ARHGAP39: variants seen among roughly 807,000 people sequenced by gnomAD.
ARHGAP39 encodes the protein Rho GTPase activating protein 39, also known as rho GTPase-activating protein 39.
ARHGAP39 carries 44 observed loss-of-function variants against 106.9 expected under a neutral mutation model. The ratio of observed to expected loss-of-function variants is 0.41; its 90% CI spans 0.32 to 0.53. The LOEUF is 0.53. ARHGAP39 is among the 20% of genes least tolerant of loss of function. The pLI is 0.21. For missense variants in ARHGAP39, 1,496 were observed against 1,577.3 expected (o/e 0.95, Z 0.87); for synonymous variants, 768 against 693.2 (o/e 1.11, Z -1.69).
At chr8:144,588,851 C>A (rs1819281620) in intron 2 of ARHGAP39, among the ~76,000 whole-genome samples, 1 of 152,264 alleles carries the variant, frequency 6.6e-6, no homozygotes, top group Admixed American at 6.5e-5. Context: ...GGTCCTCCTC[C>A]CAGTGAATCG....
At chr8:144,594,954 A>G (rs1338339802) in intron 2 of ARHGAP39, among the ~76,000 whole-genome samples, 1 of 152,020 alleles carries the variant, frequency 6.6e-6, no homozygotes, top group Non-Finnish European at 1.5e-5. Flanking sequence ...AAGTGGGAGG[A>G]TCGCTTCAGC....
intron 8 of ARHGAP39, 54 bp from the exon 9 acceptor site, chr8:144,533,379 C>A: frequency 1.3e-6 from 2 of 1,560,786 alleles, no homozygotes; most frequent in East Asian, 2.3e-5. Flanking sequence ...CAGGACCCCC[C>A]GCCACCCCGG....
At chr8:144,538,619 C>T (rs901550659) in intron 6 of ARHGAP39, among the ~76,000 whole-genome samples, 3 of 152,126 alleles carry the variant, frequency 2.0e-5, no homozygotes, top group Non-Finnish European at 2.9e-5. Flanking sequence ...GTGAGTGGTG[C>T]GATCTCAGCT....
intron 1 of ARHGAP39, among the ~76,000 whole-genome samples, chr8:144,634,186 G>C (rs1253574116): frequency 4.8e-5 from 7 of 146,026 alleles, no homozygotes; most frequent in African/African-American, 1.8e-4. Context: ...CTCCTGTCTG[G>C]AACTCCAGGC....
rs1022556498 is a variant in ARHGAP39 at position 144,671,298 on chromosome 8, C to G, written c.-82+14388G>C. On this transcript the variant is annotated intron_variant, in intron 1 of 11. Coordinates refer to ENST00000377307, the MANE Select transcript of ARHGAP39 (RefSeq NM_025251.3). The surrounding 1 kb of genome is among the most constrained non-coding windows in gnomAD (Gnocchi z 4.5). ...CCATTTAAAATACATCAGAATGGGTCAAGGGTGGATAATAACTTCACGTAA... is the reference window on the plus strand; with the variant it reads ...CCATTTAAAATACATCAGAATGGGTGAAGGGTGGATAATAACTTCACGTAA... Among the ~76,000 whole-genome samples the G allele has an allele frequency of 6.6e-6, 1 of 152,224 alleles. No homozygotes were observed.
rs1429388064 is a variant in ARHGAP39, at chr8:144,547,736, G to T, written c.1350C>A (p.Thr450=). Reference sequence around the variant, plus strand: ...TGTGCCGCAGCTCAGGTCCCTCCATGGTGCTGTAGTCTCCGGACTTGACGC... The same window carrying T: ...TGTGCCGCAGCTCAGGTCCCTCCATTGTGCTGTAGTCTCCGGACTTGACGC... ...RLGVKSGDYS[T]MEGPELRHSQ... The change falls in exon 5 of 12, where the codon ACC becomes ACA. Residue 450 remains threonine, a synonymous_variant. Coordinates refer to ENST00000377307, the MANE Select transcript of ARHGAP39 (RefSeq NM_025251.3). The surrounding 1 kb of genome is among the most constrained non-coding windows in gnomAD (Gnocchi z 5.2). 3 of 1,597,474 alleles carry T rather than the reference G, an allele frequency of 1.9e-6. 1 individual carries two copies. The East Asian group carries it at 6.7e-5, about 36-fold the overall frequency.
chr8:144,558,817 A>AATC (rs1818038106), intron 3 of ARHGAP39, among the ~76,000 whole-genome samples: 1 of 152,108 alleles, frequency 6.6e-6, no homozygotes, highest in Non-Finnish European at 1.5e-5. Flanking sequence ...TCATGCCTGT[A>AATC]ATCCCAGCAC....
the ARHGAP39 span, among the ~76,000 whole-genome samples, chr8:144,697,522 T>C: frequency 3.9e-5 from 6 of 152,100 alleles, no homozygotes; most frequent in South Asian, 2.1e-4. Context: ...TTTCTTTTTC[T>C]TTTTCTTTTT....
chr8:144,582,476 G>C (rs903697905), intron 2 of ARHGAP39, among the ~76,000 whole-genome samples: 10 of 152,200 alleles, frequency 6.6e-5, no homozygotes, highest in Non-Finnish European at 1.2e-4. Flanking sequence ...GGGGGTTCTG[G>C]GTCTGTTTCT....
rs1374158506 is a variant in ARHGAP39 at position 144,548,774 on chromosome 8, C to T, written c.597-285G>A. Reference sequence around the variant, plus strand: ...CTTCTGTAACTAGAACCGGGGGCGGCGTTACCAGGGCCCTTAATGTGGGTG... The same window carrying T: ...CTTCTGTAACTAGAACCGGGGGCGGTGTTACCAGGGCCCTTAATGTGGGTG... On this transcript the variant is annotated intron_variant, in intron 4 of 11. Coordinates refer to ENST00000377307, the MANE Select transcript of ARHGAP39 (RefSeq NM_025251.3). The surrounding 1 kb of genome is among the most constrained non-coding windows in gnomAD (Gnocchi z 7.4). Among the ~76,000 whole-genome samples, 1 of 152,140 alleles carries T rather than the reference C, an allele frequency of 6.6e-6. No homozygotes were observed.
intron 1 of ARHGAP39, among the ~76,000 whole-genome samples, chr8:144,665,118 T>C (rs983859422): frequency 2.6e-5 from 4 of 152,330 alleles, no homozygotes; most frequent in Admixed American, 1.3e-4. Flanking sequence ...GGAGCAAAGA[T>C]GACTCTCTTG....
At chr8:144,562,718 ACT>A (rs1818243977) in intron 3 of ARHGAP39, among the ~76,000 whole-genome samples, 3 of 122,840 alleles carry the variant, frequency 2.4e-5, no homozygotes, top group African/African-American at 9.4e-5. Context: ...TTTCCATCGG[ACT>A]CACTCCAGTG....
chr8:144,662,503 C>T (rs117222657), intron 1 of ARHGAP39, among the ~76,000 whole-genome samples: 3,777 of 141,748 alleles, frequency 0.027, 83 homozygotes, highest in Non-Finnish European at 0.037. Flanking sequence ...CCTTGGACTG[C>T]TCCCCGTCAG....
chr8:144,689,006 G>A (rs1272441701), upstream of ARHGAP39, among the ~76,000 whole-genome samples: 1 of 152,148 alleles, frequency 6.6e-6, no homozygotes, highest in Non-Finnish European at 1.5e-5. Context: ...TGTTTCACAG[G>A]CCCAGAAACA....
At chr8:144,555,984 T>C (rs1046254643) in intron 3 of ARHGAP39, among the ~76,000 whole-genome samples, 7 of 152,306 alleles carry the variant, frequency 4.6e-5, no homozygotes, top group African/African-American at 1.4e-4. Flanking sequence ...GAAGGAAGCA[T>C]GGCTAGAAAT....
chr8:144,558,135 C>A (rs1438222669), intron 3 of ARHGAP39, among the ~76,000 whole-genome samples: 1 of 152,108 alleles, frequency 6.6e-6, no homozygotes, highest in Non-Finnish European at 1.5e-5. Flanking sequence ...GAGGAATGTG[C>A]TGTATCAATA....
intron 2 of ARHGAP39, among the ~76,000 whole-genome samples, chr8:144,581,512 C>T (rs1363562772): frequency 6.6e-6 from 1 of 152,240 alleles, no homozygotes; most frequent in African/African-American, 2.4e-5. Flanking sequence ...GGGTCCTGGG[C>T]CCCACGTGGG....
intron 7 of ARHGAP39, among the ~76,000 whole-genome samples, chr8:144,536,153 G>A (rs1437526922): frequency 2.0e-5 from 3 of 152,184 alleles, no homozygotes; most frequent in South Asian, 4.1e-4. Flanking sequence ...GCCCTGATCC[G>A]GCCTTGCCTG....
At chr8:144,599,289 C>T (rs1819750155) in intron 2 of ARHGAP39, among the ~76,000 whole-genome samples, 1 of 152,178 alleles carries the variant, frequency 6.6e-6, no homozygotes, top group South Asian at 2.1e-4. Context: ...GACTGAGGCA[C>T]ACACACAATA....
Sources: allele counts gnomAD v4.1 joint callset (sites outside exome capture counted in the v4.1 genomes callset), GRCh38; gene constraint gnomAD v4.1.1; non-coding constraint Gnocchi (gnomAD v3.1); transcripts MANE v1.5; gene names NCBI Gene and HGNC (gene_info 2026-07-23, HGNC 2026-07-21).